The following PCDHA1 variants were observed in gnomAD, a reference collection of about 807,000 sequenced individuals.
The protein encoded by PCDHA1 is protocadherin alpha 1.
In PCDHA1, 42 loss-of-function variants were observed where a neutral mutation model predicts 61.3. The observed-to-expected ratio is 0.69, with a 90% CI of 0.54 to 0.89. The LOEUF is 0.89. Among genes scored for constraint, PCDHA1 ranks in the 40% least tolerant of loss-of-function variants. PCDHA1 has a pLI of 0.00. For missense variants in PCDHA1, 1,256 were observed against 1,235.3 expected, an observed-to-expected ratio of 1.02 and a Z score of -0.25; for synonymous variants, 610 against 553.8, an observed-to-expected ratio of 1.10 and a Z score of -1.43.
At chr5:140,971,952 C>T (rs782029862) in intron 1 of PCDHA1, among the ~76,000 whole-genome samples, 3 of 152,012 alleles carry the variant, frequency 2.0e-5, no homozygotes, top group Non-Finnish European at 4.4e-5. Context: ...CATCTGACTC[C>T]AAAAACTTTT....
intron 1 of PCDHA1, among the ~76,000 whole-genome samples, chr5:140,937,132 GGTT>G (rs2091356684): frequency 6.6e-6 from 1 of 151,434 alleles, no homozygotes. Context: ...CCGCCTCCCG[GGTT>G]CATGCCATTC....
intron 1 of PCDHA1, chr5:140,829,205 A>C (rs2150163875): frequency 6.2e-7 from 1 of 1,614,212 alleles, no homozygotes; most frequent in Non-Finnish European, 8.5e-7. Flanking sequence ...CATCGCCCTA[A>C]TTAGCGTGAA....
intron 1 of PCDHA1, chr5:140,835,784 C>G: frequency 2.5e-6 from 4 of 1,613,220 alleles, no homozygotes; most frequent in Non-Finnish European, 3.4e-6. Flanking sequence ...TGAAGGAGAA[C>G]AACCCGCCGG....
At chr5:140,930,962 T>A (rs1193722929) in intron 1 of PCDHA1, among the ~76,000 whole-genome samples, 2 of 152,184 alleles carry the variant, frequency 1.3e-5, no homozygotes, top group African/African-American at 4.8e-5. Flanking sequence ...AAATGTACTG[T>A]TTCAATGATT....
intron 2 of PCDHA1, among the ~76,000 whole-genome samples, chr5:140,979,721 C>T (rs2153819868): frequency 6.6e-6 from 1 of 152,290 alleles, no homozygotes; most frequent in East Asian, 1.9e-4. Context: ...GTATCCATGC[C>T]ATGGGGCCAA....
chr5:140,850,652 T>C lies in PCDHA1; in HGVS notation c.2394+61968T>C, dbSNP rs2150492321. 4 of 1,598,476 alleles carry C rather than the reference T, an allele frequency of 2.5e-6. No homozygotes were observed. In the South Asian group the frequency reaches 3.3e-5, roughly 13 times the overall value. On this transcript the variant is annotated intron_variant, in intron 1 of 3. Coordinates refer to ENST00000504120, the MANE Select transcript of PCDHA1 (RefSeq NM_018900.4). ...TGGTTCTCACGCTGCTGCTGTACAC[T>C]GTGCTGCGGTGCTCGGCGATGCCCA...
intron 1 of PCDHA1, among the ~76,000 whole-genome samples, chr5:140,922,043 C>T (rs1305034895): frequency 6.6e-6 from 1 of 152,068 alleles, no homozygotes; most frequent in East Asian, 1.9e-4. Flanking sequence ...AATTTTCCCA[C>T]ATACCTTCAA....
intron 1 of PCDHA1, chr5:140,850,098 G>A: frequency 6.3e-7 from 1 of 1,596,440 alleles, no homozygotes; most frequent in South Asian, 1.1e-5. Context: ...ACAGTTCCAG[G>A]TGAGCGCGCG....
chr5:140,850,211 CACTGACGGCGCAGTG>C (rs2041429511), intron 1 of PCDHA1: 1 of 1,593,540 alleles, frequency 6.3e-7, no homozygotes, highest in Non-Finnish European at 8.6e-7. Context: ...GGATGAGGGG[CACTGACGGCGCAGTG>C]AGCGAGATGG....
rs1554132920 is a variant in PCDHA1 at position 140,830,554 on chromosome 5, C to A, written c.2394+41870C>A. The A allele has an allele frequency of 4.7e-6, 5 of 1,064,408 alleles. No individual in the cohort carries two copies. In the African/African-American group the frequency reaches 8.2e-5, roughly 18 times the overall value. 65.9% of individuals were successfully genotyped at this position (1,064,408 alleles called of 1,614,324 possible). A position where few individuals can be genotyped will look rare whatever the true frequency, so the allele number is the denominator to read the frequency against. ...TTATAATTGTTTTCCTCATATTTGT[C>A]TTCTATATTTCTGTTTTTAATTTTT... On this transcript the variant is annotated intron_variant, in intron 1 of 3. Coordinates refer to ENST00000504120, the MANE Select transcript of PCDHA1 (RefSeq NM_018900.4).
At chr5:140,823,131 G>T (rs142929389) in intron 1 of PCDHA1, 3 of 1,614,008 alleles carry the variant, frequency 1.9e-6, no homozygotes, top group South Asian at 2.2e-5. Flanking sequence ...ACAACGCTCC[G>T]GCGTTCGCGC....
chr5:140,823,931 C>T, intron 1 of PCDHA1: 1 of 1,613,968 alleles, frequency 6.2e-7, no homozygotes, highest in South Asian at 1.1e-5. Flanking sequence ...CTGTACACCG[C>T]GCTGCGGTGC....
At chr5:140,823,068 G>A (rs2150121914) in intron 1 of PCDHA1, 2 of 1,613,914 alleles carry the variant, frequency 1.2e-6, no homozygotes, top group Non-Finnish European at 1.7e-6. Flanking sequence ...ACGGGGGCTC[G>A]CCTTCGCTGT....
At chr5:140,984,398 A>T (rs1377930175) in intron 3 of PCDHA1, among the ~76,000 whole-genome samples, 1 of 152,142 alleles carries the variant, frequency 6.6e-6, no homozygotes, top group Non-Finnish European at 1.5e-5. Flanking sequence ...AAATGTTGAG[A>T]ACCTATCTTT....
rs554696267 is a variant in PCDHA1 at position 140,790,874 on chromosome 5, T to C, written c.2394+2190T>C. Reference sequence around the variant, plus strand: ...AATAAATGGGCGTAGGAGTACAAAATTTGAAAAGTAATTTTTATGAAAAGG... The same window carrying C: ...AATAAATGGGCGTAGGAGTACAAAACTTGAAAAGTAATTTTTATGAAAAGG... On this transcript the variant is annotated intron_variant, in intron 1 of 3. Transcript: ENST00000504120. 9.2e-5 allele frequency among the ~76,000 whole-genome samples: 14 copies of C among 152,300 alleles called. No individual in the cohort carries two copies. The South Asian group carries it at 2.7e-3, about 29-fold the overall frequency.
chr5:140,853,583 T>C lies in PCDHA1; in HGVS notation c.2394+64899T>C, dbSNP rs1298599428. Reference sequence around the variant, plus strand: ...AAAACTAAGTTGTCACCCAATATCTTAGACACTTTGAGAGCAAAGGGGGTG... The same window carrying C: ...AAAACTAAGTTGTCACCCAATATCTCAGACACTTTGAGAGCAAAGGGGGTG... On this transcript the variant is annotated intron_variant, in intron 1 of 3. Transcript: ENST00000504120. 16 of 985,202 alleles carry C rather than the reference T, an allele frequency of 1.6e-5. 2 individuals carry two copies. The highest frequency in any genetic ancestry group is 1.8e-5 in the Non-Finnish European group (15 of 817,512). The allele number at this position is 985,202 out of a possible 1,614,324, so 61.0% of individuals were successfully genotyped here. A position where few individuals can be genotyped will look rare whatever the true frequency, so the allele number is the denominator to read the frequency against.
At chr5:140,945,034 C>T (rs1218648203) in intron 1 of PCDHA1, among the ~76,000 whole-genome samples, 1 of 152,066 alleles carries the variant, frequency 6.6e-6, no homozygotes, top group East Asian at 1.9e-4. Flanking sequence ...ACATAATTAT[C>T]TTTGGTCTTA....
At position 140,877,189 on chromosome 5, in the gene PCDHA1, G is replaced by C. The variant is rs370743077; in HGVS notation, c.2394+88505G>C. ...ACTGCTGGCGACTCCGGCTGGCAGC[G>C]CAGGAGGCGCAGTTAGCGAGTTGGT... On this transcript the variant is annotated intron_variant, in intron 1 of 3. Coordinates refer to ENST00000504120, the MANE Select transcript of PCDHA1 (RefSeq NM_018900.4). The C allele has an allele frequency of 5.1e-5, 82 of 1,613,690 alleles. No homozygotes were observed. Among genetic ancestry groups the C allele is most frequent in the Non-Finnish European group, 6.4e-5 (75 of 1,179,826 alleles).
intron 1 of PCDHA1, chr5:140,850,825 C>T (rs2150499781): frequency 5.0e-6 from 8 of 1,598,102 alleles, no homozygotes; most frequent in African/African-American, 2.7e-5. Context: ...CCGGGCCTTT[C>T]TCCTTGTGCT....
Sources: allele counts gnomAD v4.1 joint callset (sites outside exome capture counted in the v4.1 genomes callset), GRCh38; gene constraint gnomAD v4.1.1; transcripts MANE v1.5; gene names NCBI Gene and HGNC (gene_info 2026-07-23, HGNC 2026-07-21).